The following CACNB2 variants were observed in gnomAD, a reference collection of about 807,000 sequenced individuals.
The protein encoded by CACNB2 is calcium voltage-gated channel auxiliary subunit beta 2.
In CACNB2, 42 loss-of-function variants were observed where a neutral mutation model predicts 73.3. The observed-to-expected ratio is 0.57, with a 90% CI of 0.45 to 0.74. CACNB2 has a LOEUF of 0.74. CACNB2 is among the 30% of genes least tolerant of loss of function. The pLI, the probability that CACNB2 is intolerant of heterozygous loss-of-function variation, is 0.00. For missense variants in CACNB2, 940 were observed against 853.0 expected (o/e 1.10, Z -1.27); for synonymous variants, 348 against 310.3 (o/e 1.12, Z -1.28).
chr10:18,231,159 A>G (rs1285182120), intron 2 of CACNB2, among the ~76,000 whole-genome samples: 2 of 152,204 alleles, frequency 1.3e-5, no homozygotes, highest in East Asian at 3.9e-4. Flanking sequence ...GGCTTGTGGT[A>G]TCATGTTCAA....
At chr10:18,347,382 G>A (rs1244024626) in intron 2 of CACNB2, among the ~76,000 whole-genome samples, 2 of 86,768 alleles carry the variant, frequency 2.3e-5, no homozygotes, top group African/African-American at 4.2e-5. Flanking sequence ...TTGTATTTTA[G>A]TAGAGACCAA....
intron 2 of CACNB2, among the ~76,000 whole-genome samples, chr10:18,390,143 C>A (rs2043401283): frequency 6.6e-6 from 1 of 152,072 alleles, no homozygotes; most frequent in African/African-American, 2.4e-5. Context: ...AAGGAAAGAG[C>A]CCAGATTCAT....
At chr10:18,474,779 C>A (rs534711512) in intron 3 of CACNB2, among the ~76,000 whole-genome samples, 2 of 152,154 alleles carry the variant, frequency 1.3e-5, no homozygotes, top group Admixed American at 6.5e-5. Flanking sequence ...GTTTTCCCCC[C>A]CAACAGCAAG....
intron 2 of CACNB2, among the ~76,000 whole-genome samples, chr10:18,298,370 A>T (rs75869891): frequency 1.1e-5 from 1 of 94,646 alleles, no homozygotes; most frequent in Non-Finnish European, 2.5e-5. Flanking sequence ...ACTCTGTCTC[A>T]AAAAAAAAAA....
chr10:18,405,849 T>A (rs370898326), intron 3 of CACNB2, among the ~76,000 whole-genome samples: 3 of 152,078 alleles, frequency 2.0e-5, no homozygotes, highest in Admixed American at 1.3e-4. Context: ...TCCCAGCTAC[T>A]TGGGAGGCTG....
intron 5 of CACNB2, among the ~76,000 whole-genome samples, chr10:18,501,964 T>C (rs1487888462): frequency 1.3e-5 from 2 of 152,226 alleles, no homozygotes; most frequent in Non-Finnish European, 2.9e-5. Flanking sequence ...TTGAGAGCAC[T>C]CAGATGGTGA....
intron 3 of CACNB2, among the ~76,000 whole-genome samples, chr10:18,432,923 G>A (rs553199116): frequency 5.1e-4 from 77 of 152,258 alleles, no homozygotes; most frequent in African/African-American, 1.8e-3. Context: ...AGGAAATATA[G>A]CCAAAGAAAA....
intron 2 of CACNB2, among the ~76,000 whole-genome samples, chr10:18,281,143 G>T (rs139817089): frequency 1.0e-3 from 152 of 152,250 alleles, no homozygotes; most frequent in Non-Finnish European, 1.7e-3. Flanking sequence ...GTTTGGTGTA[G>T]ACATGTTCAA....
chr10:18,257,818 A>C (rs2037348082), intron 2 of CACNB2, among the ~76,000 whole-genome samples: 1 of 152,146 alleles, frequency 6.6e-6, no homozygotes. Flanking sequence ...ATCTCGGCTC[A>C]CTGCAACCTC....
intron 3 of CACNB2, among the ~76,000 whole-genome samples, chr10:18,413,330 C>T (rs920884382): frequency 2.6e-5 from 4 of 152,324 alleles, no homozygotes; most frequent in Admixed American, 2.6e-4. Context: ...AAGGGTTTCA[C>T]CTCAGGAGCG....
At chr10:18,330,995 T>G (rs1490841705) in intron 2 of CACNB2, among the ~76,000 whole-genome samples, 19 of 144,114 alleles carry the variant, frequency 1.3e-4, no homozygotes, top group Non-Finnish European at 4.6e-5. Context: ...TGCCCGGCCT[T>G]TTTTTTTTGG....
rs1470497627 is a variant in CACNB2, at chr10:18,305,889, G to T, written c.214-96035G>T. ...AGGCCGAGGTGGGAGGATCGCTTGA[G>T]CCCAGGAGTTGGAGGCTGCAGTGAG... On this transcript the variant is annotated intron_variant, in intron 2 of 13. Coordinates refer to ENST00000324631, the MANE Select transcript of CACNB2 (RefSeq NM_201596.3). Among the ~76,000 whole-genome samples, 3 of 152,092 alleles carry T rather than the reference G, an allele frequency of 2.0e-5. No homozygotes were observed. In the East Asian group the frequency reaches 5.8e-4, roughly 29 times the overall value.
chr10:18,395,548 A>G (rs1292906719), intron 2 of CACNB2, among the ~76,000 whole-genome samples: 1 of 152,208 alleles, frequency 6.6e-6, no homozygotes, highest in African/African-American at 2.4e-5. Context: ...CAGTTACAGC[A>G]CAGAGTTTCA....
chr10:18,309,490 G>A (rs569525643), intron 2 of CACNB2, among the ~76,000 whole-genome samples: 2 of 152,120 alleles, frequency 1.3e-5, no homozygotes, highest in South Asian at 2.1e-4. Flanking sequence ...GTGGAGCCTC[G>A]CTCTGTCGCC....
chr10:18,418,664 A>G (rs1448097247), intron 3 of CACNB2, among the ~76,000 whole-genome samples: 1 of 152,212 alleles, frequency 6.6e-6, no homozygotes, highest in Non-Finnish European at 1.5e-5. Flanking sequence ...GCCAATATGT[A>G]GCCAGTCCAG....
At chr10:18,351,266 A>G (rs1445608144) in intron 2 of CACNB2, among the ~76,000 whole-genome samples, 1 of 151,924 alleles carries the variant, frequency 6.6e-6, no homozygotes, top group Non-Finnish European at 1.5e-5. Flanking sequence ...GACTAAATAT[A>G]TTCTGTATCC....
At chr10:18,341,220 G>A (rs540011648) in intron 2 of CACNB2, among the ~76,000 whole-genome samples, 1 of 152,232 alleles carries the variant, frequency 6.6e-6, no homozygotes, top group African/African-American at 2.4e-5. Context: ...TAGTAGCTTA[G>A]GGAGAGAGTC....
At chr10:18,360,594 GAGGC>G (rs2042103116) in intron 2 of CACNB2, among the ~76,000 whole-genome samples, 1 of 152,152 alleles carries the variant, frequency 6.6e-6, no homozygotes, top group Admixed American at 6.6e-5. Flanking sequence ...AGAGTCCTGT[GAGGC>G]AGACCTATTG....
intron 2 of CACNB2, among the ~76,000 whole-genome samples, chr10:18,370,728 T>C (rs1397329977): frequency 1.3e-5 from 2 of 152,216 alleles, no homozygotes; most frequent in African/African-American, 2.4e-5. Context: ...TCTTTAGGCA[T>C]TAAAAAAGTA....
Sources: allele counts gnomAD v4.1 joint callset (sites outside exome capture counted in the v4.1 genomes callset), GRCh38; gene constraint gnomAD v4.1.1; transcripts MANE v1.5; gene names NCBI Gene and HGNC (gene_info 2026-07-23, HGNC 2026-07-21).